Variants in SLCO3A1 observed in about 807,000 individuals in gnomAD.
SLCO3A1 encodes the protein PGE1 transporter.
A neutral mutation model predicts 63.1 loss-of-function variants in SLCO3A1; 27 were observed. The observed-to-expected ratio is 0.43, with a 90% CI of 0.32 to 0.59. SLCO3A1 has a LOEUF of 0.59. Among genes scored for constraint, SLCO3A1 ranks in the 20% least tolerant of loss-of-function variants. The pLI is 0.09. For missense variants in SLCO3A1, 773 were observed against 945.8 expected (o/e 0.82, Z 2.40); for synonymous variants, 473 against 409.9 (o/e 1.15, Z -1.86).
chr15:92,085,457 G>A (rs187739359), intron 2 of SLCO3A1, among the ~76,000 whole-genome samples: 3 of 152,302 alleles, frequency 2.0e-5, no homozygotes, highest in Middle Eastern at 3.4e-3. Context: ...TGCTTAAGTG[G>A]GCCTCATGCC....
chr15:91,895,745 C>G (rs1232690429), intron 1 of SLCO3A1, among the ~76,000 whole-genome samples: 2 of 152,230 alleles, frequency 1.3e-5, no homozygotes, highest in Admixed American at 1.3e-4. Flanking sequence ...AGCGTGCACT[C>G]TAGCTTTCTT....
intron 2 of SLCO3A1, among the ~76,000 whole-genome samples, chr15:91,933,907 A>G (rs545008442): frequency 2.0e-5 from 3 of 152,196 alleles, no homozygotes; most frequent in East Asian, 1.9e-4. Context: ...GGAAATTACA[A>G]CCCTAGGATG....
intron 2 of SLCO3A1, among the ~76,000 whole-genome samples, chr15:92,016,586 G>A (rs1243996127): frequency 6.6e-6 from 1 of 152,328 alleles, no homozygotes; most frequent in East Asian, 1.9e-4. Flanking sequence ...GAGATGGGAC[G>A]CAGAGAGACT....
At chr15:92,035,301 A>G (rs1025793401) in intron 2 of SLCO3A1, among the ~76,000 whole-genome samples, 1 of 151,806 alleles carries the variant, frequency 6.6e-6, no homozygotes, top group Admixed American at 6.6e-5. Context: ...GCAAAAGTGA[A>G]CTTTGCCAAT....
At chr15:91,962,073 A>G (rs1223920649) in intron 2 of SLCO3A1, among the ~76,000 whole-genome samples, 3 of 152,208 alleles carry the variant, frequency 2.0e-5, no homozygotes, top group African/African-American at 7.2e-5. Flanking sequence ...CAGCCATCTC[A>G]GGCTCGCAGG....
intron 2 of SLCO3A1, among the ~76,000 whole-genome samples, chr15:92,087,535 T>TTTTA (rs2047420915): frequency 7.7e-6 from 1 of 130,344 alleles, no homozygotes; most frequent in African/African-American, 2.7e-5. Context: ...TTTTTTTTTT[T>TTTTA]GAGCTGGAGT....
Position 91,875,190 on chromosome 15 carries a change from CTG to C in SLCO3A1, c.180+21108_180+21109del, listed in dbSNP as rs1327934445. Reference sequence around the variant, plus strand: ...ATCTCTACCATTTACTGAGCATCCGCTGTGTGTACCTGACACATGTCATCTCA... The same window carrying C: ...ATCTCTACCATTTACTGAGCATCCGCTGTGTACCTGACACATGTCATCTCA... On this transcript the variant is annotated intron_variant, in intron 1 of 9. Coordinates refer to ENST00000318445, the MANE Select transcript of SLCO3A1 (RefSeq NM_013272.4). The surrounding 1 kb of genome is among the most constrained non-coding windows in gnomAD (Gnocchi z 4.5). 6.6e-6 allele frequency among the ~76,000 whole-genome samples: 1 copy of C among 152,232 alleles called. No homozygotes were observed. The highest frequency in any genetic ancestry group is 1.5e-5 in the Non-Finnish European group (1 of 68,044).
intron 2 of SLCO3A1, among the ~76,000 whole-genome samples, chr15:92,005,445 G>A (rs889155804): frequency 7.2e-5 from 11 of 152,198 alleles, no homozygotes; most frequent in African/African-American, 2.7e-4. Context: ...GTTCAGTCTG[G>A]TTGCAGTTGG....
chr15:91,981,995 G>A (rs552477810), intron 2 of SLCO3A1, among the ~76,000 whole-genome samples: 1 of 152,378 alleles, frequency 6.6e-6, no homozygotes, highest in African/African-American at 2.4e-5. Context: ...AGCACCACTT[G>A]TTGAAGTTAT....
intron 1 of SLCO3A1, among the ~76,000 whole-genome samples, chr15:91,903,876 T>G (rs1898224372): frequency 6.6e-6 from 1 of 152,020 alleles, no homozygotes; most frequent in African/African-American, 2.4e-5. Flanking sequence ...ACAAGAAAGG[T>G]GATTGTTGAA....
chr15:92,056,189 G>C (rs891762071), intron 2 of SLCO3A1, among the ~76,000 whole-genome samples: 2 of 152,094 alleles, frequency 1.3e-5, no homozygotes, highest in East Asian at 1.9e-4. Context: ...TTTATTTCCA[G>C]GTTCCGGTTC....
chr15:92,045,760 C>T (rs2046853946), intron 2 of SLCO3A1, among the ~76,000 whole-genome samples: 1 of 152,242 alleles, frequency 6.6e-6, no homozygotes, highest in African/African-American at 2.4e-5. Flanking sequence ...TGAGCTACTG[C>T]GGAGTGCCAG....
rs561864397 is a variant in SLCO3A1 at position 91,987,178 on chromosome 15, A to G, written c.646+70720A>G. Among the ~76,000 whole-genome samples the G allele has an allele frequency of 5.9e-5, 9 of 152,348 alleles. No homozygotes were observed. The East Asian group carries it at 1.7e-3, about 29-fold the overall frequency. ...TGAGAAGAGTGGCAGCAATAATCAG[A>G]TAATAAGGGAACAAAACCCAGTTCT... On this transcript the variant is annotated intron_variant, in intron 2 of 9. Coordinates refer to ENST00000318445, the MANE Select transcript of SLCO3A1 (RefSeq NM_013272.4).
chr15:91,973,086 G>C (rs892373319), intron 2 of SLCO3A1, among the ~76,000 whole-genome samples: 1 of 152,250 alleles, frequency 6.6e-6, no homozygotes. Flanking sequence ...TTGCACTCCA[G>C]TCTGGCAACA....
In SLCO3A1 at chr15:91,865,561, C is replaced by A. The variant is rs1358511778; in HGVS notation, c.180+11473C>A. ...CAGCAGGGCCGTGCTCCCTCCTAGACCCTGCGTAGAACCCTTCCTTGCCTC... is the reference window on the plus strand; with the variant it reads ...CAGCAGGGCCGTGCTCCCTCCTAGAACCTGCGTAGAACCCTTCCTTGCCTC... On this transcript the variant is annotated intron_variant, in intron 1 of 9. Coordinates refer to ENST00000318445, the MANE Select transcript of SLCO3A1 (RefSeq NM_013272.4). This position sits in a 1 kb window ranked among gnomAD's most constrained non-coding sequence, Gnocchi z 4.6. 6.6e-6 allele frequency among the ~76,000 whole-genome samples: 1 copy of A among 152,218 alleles called. No individual in the cohort carries two copies. Among genetic ancestry groups the A allele is most frequent in the Non-Finnish European group, 1.5e-5 (1 of 68,032 alleles).
At chr15:91,969,394 C>T (rs12901238) in intron 2 of SLCO3A1, among the ~76,000 whole-genome samples, 37,489 of 151,812 alleles carry the variant, frequency 0.25, 5,302 homozygotes, top group East Asian at 0.35. Flanking sequence ...CAACCTCCAC[C>T]TCCTAGGTTC....
chr15:91,958,700 TA>T (rs1900327816), intron 2 of SLCO3A1, among the ~76,000 whole-genome samples: 2 of 152,126 alleles, frequency 1.3e-5, no homozygotes, highest in Admixed American at 1.3e-4. Flanking sequence ...CCAGTGAAAT[TA>T]AAACCACAAT....
chr15:92,069,106 C>T (rs1389455857), intron 2 of SLCO3A1, among the ~76,000 whole-genome samples: 22 of 139,000 alleles, frequency 1.6e-4, no homozygotes, highest in African/African-American at 5.6e-4. Context: ...GCCCCCCCCC[C>T]GCCACCCCCC....
intron 2 of SLCO3A1, among the ~76,000 whole-genome samples, chr15:92,077,375 C>G (rs1160585093): frequency 6.6e-6 from 1 of 152,162 alleles, no homozygotes; most frequent in Non-Finnish European, 1.5e-5. Flanking sequence ...GGCGTGAGGA[C>G]CTTCACTGAT....
Sources: allele counts gnomAD v4.1 joint callset (sites outside exome capture counted in the v4.1 genomes callset), GRCh38; gene constraint gnomAD v4.1.1; non-coding constraint Gnocchi (gnomAD v3.1); transcripts MANE v1.5; gene names NCBI Gene and HGNC (gene_info 2026-07-23, HGNC 2026-07-21).